The following MACROD2 variants were observed in gnomAD, a reference collection of about 807,000 sequenced individuals.
MACROD2 encodes mono-ADP ribosylhydrolase 2.
Under a neutral mutation model 70.4 loss-of-function variants are expected in MACROD2, and 36 were observed. The ratio of observed to expected loss-of-function variants is 0.51; its 90% CI spans 0.39 to 0.68. The LOEUF is 0.68. Among genes scored for constraint, MACROD2 ranks in the 30% least tolerant of loss-of-function variants. MACROD2 has a pLI of 0.00. For synonymous variants in MACROD2, 172 were observed against 178.8 expected (o/e 0.96, Z 0.30); for missense variants, 496 against 538.4 (o/e 0.92, Z 0.78).
intron 4 of MACROD2, among the ~76,000 whole-genome samples, chr20:14,538,568 G>C (rs1475854445): frequency 1.3e-5 from 2 of 152,108 alleles, no homozygotes; most frequent in African/African-American, 4.8e-5. Flanking sequence ...CTGTCTTCTA[G>C]TCTTCACCTC....
chr20:14,938,947 T>G (rs2122701107), intron 5 of MACROD2, among the ~76,000 whole-genome samples: 1 of 146,856 alleles, frequency 6.8e-6, no homozygotes, highest in Admixed American at 6.8e-5. Context: ...CAGATTTTTT[T>G]TTTTTTTTTT....
intron 3 of MACROD2, among the ~76,000 whole-genome samples, chr20:14,365,360 C>T (rs1212160002): frequency 6.6e-6 from 1 of 150,814 alleles, no homozygotes; most frequent in East Asian, 1.9e-4. Context: ...TAATAATGTT[C>T]ATAAATAACA....
intron 12 of MACROD2, among the ~76,000 whole-genome samples, chr20:15,965,359 A>G (rs188887623): frequency 6.6e-6 from 1 of 152,306 alleles, no homozygotes; most frequent in African/African-American, 2.4e-5. Context: ...CTTTTCGCCC[A>G]TCTTATGTGA....
intron 4 of MACROD2, among the ~76,000 whole-genome samples, chr20:14,678,650 A>T (rs1056523420): frequency 6.6e-6 from 1 of 152,086 alleles, no homozygotes; most frequent in Non-Finnish European, 1.5e-5. Context: ...TCTCCTCCCC[A>T]TCTGCCTCCC....
rs115942148 is a variant in MACROD2, at chr20:15,953,103, T to A, written c.908-14450T>A. On this transcript the variant is annotated intron_variant, in intron 12 of 17. Transcript: ENST00000684519. ...AGAACATGATGTTAAGGGAAATGAGTCAGGAAAAGAAAGTTAAACACCGCA... is the reference window on the plus strand; with the variant it reads ...AGAACATGATGTTAAGGGAAATGAGACAGGAAAAGAAAGTTAAACACCGCA... 4.5e-3 allele frequency among the ~76,000 whole-genome samples: 685 copies of A among 151,896 alleles called. 5 individuals are homozygous for A. The highest frequency in any genetic ancestry group is 0.016 in the African/African-American group (653 of 41,416).
intron 5 of MACROD2, among the ~76,000 whole-genome samples, chr20:14,968,543 G>T (rs942334818): frequency 6.6e-6 from 1 of 152,126 alleles, no homozygotes; most frequent in East Asian, 1.9e-4. Context: ...ATATTTTATT[G>T]TGCAACCTGG....
chr20:16,033,425 A>C (rs2067181646), intron 15 of MACROD2, among the ~76,000 whole-genome samples: 1 of 152,140 alleles, frequency 6.6e-6, no homozygotes, highest in African/African-American at 2.4e-5. Flanking sequence ...GCAGCACAAT[A>C]TGCTGGCTGT....
At chr20:14,830,283 T>C (rs1433537318) in intron 5 of MACROD2, among the ~76,000 whole-genome samples, 1 of 152,128 alleles carries the variant, frequency 6.6e-6, no homozygotes, top group African/African-American at 2.4e-5. Flanking sequence ...TGTGTTATGT[T>C]GTGTGCTTTA....
At chr20:15,856,664 T>G in intron 8 of MACROD2, among the ~76,000 whole-genome samples, 1 of 152,184 alleles carries the variant, frequency 6.6e-6, no homozygotes, top group East Asian at 1.9e-4. Flanking sequence ...CAAAGATGAG[T>G]GCCACCTGAT....
rs180973721 is a variant in MACROD2 at position 14,738,985 on chromosome 20, C to A, written c.418+54026C>A. Among the ~76,000 whole-genome samples the A allele has an allele frequency of 1.7e-4, 26 of 151,988 alleles. 1 individual carries two copies. Among genetic ancestry groups the A allele is most frequent in the African/African-American group, 6.0e-4 (25 of 41,512 alleles). On this transcript the variant is annotated intron_variant, in intron 5 of 17. Coordinates refer to ENST00000684519, the MANE Select transcript of MACROD2 (RefSeq NM_001351661.2). Reference sequence around the variant, plus strand: ...ACACAAGTGGAATTAATAGGAGATACCATTTTCTTACTTAAAATATTTGTA... The same window carrying A: ...ACACAAGTGGAATTAATAGGAGATAACATTTTCTTACTTAAAATATTTGTA...
At chr20:14,376,450 A>G (rs2083371305) in intron 3 of MACROD2, among the ~76,000 whole-genome samples, 2 of 152,280 alleles carry the variant, frequency 1.3e-5, no homozygotes, top group South Asian at 2.1e-4. Flanking sequence ...TGTAGTGAAA[A>G]GAATGCACCC....
chr20:14,355,826 G>C (rs1411201297), intron 3 of MACROD2, among the ~76,000 whole-genome samples: 1 of 152,110 alleles, frequency 6.6e-6, no homozygotes, highest in Non-Finnish European at 1.5e-5. Flanking sequence ...GTAGAGATTG[G>C]CTATTTTTCA....
chr20:15,135,444 A>C (rs2076139371), intron 5 of MACROD2, among the ~76,000 whole-genome samples: 1 of 149,572 alleles, frequency 6.7e-6, no homozygotes, highest in South Asian at 2.1e-4. Context: ...CAGCATATAA[A>C]CAGAACCAAA....
In MACROD2 at chr20:15,971,255, G is replaced by C. The variant is rs760126425; in HGVS notation, c.985+3625G>C. Reference sequence around the variant, plus strand: ...TGAGATTCTCTGATATGGTTTGGCTGTGTCCCCACCCAAATCTCATCTTGA... The same window carrying C: ...TGAGATTCTCTGATATGGTTTGGCTCTGTCCCCACCCAAATCTCATCTTGA... On this transcript the variant is annotated intron_variant, in intron 13 of 17. Transcript: ENST00000684519. 5.9e-5 allele frequency among the ~76,000 whole-genome samples: 9 copies of C among 152,256 alleles called. No individual in the cohort carries two copies. In the East Asian group the frequency reaches 1.5e-3, roughly 26 times the overall value.
At chr20:14,058,252 T>G (rs2053652595) in intron 2 of MACROD2, among the ~76,000 whole-genome samples, 1 of 152,114 alleles carries the variant, frequency 6.6e-6, no homozygotes, top group Admixed American at 6.6e-5. Flanking sequence ...AAATACTGCT[T>G]TAGTGTGAGG....
intron 8 of MACROD2, among the ~76,000 whole-genome samples, chr20:15,762,288 A>G (rs1265360532): frequency 6.6e-6 from 1 of 152,180 alleles, no homozygotes; most frequent in Non-Finnish European, 1.5e-5. Flanking sequence ...GTGGAAAGTA[A>G]GGACAAGGCA....
At chr20:14,191,842 C>T (rs1225474265) in intron 3 of MACROD2, among the ~76,000 whole-genome samples, 1 of 152,196 alleles carries the variant, frequency 6.6e-6, no homozygotes, top group East Asian at 1.9e-4. Context: ...CAAGCCAGAT[C>T]ATATAGGGTC....
At chr20:14,809,715 G>T (rs1009269837) in intron 5 of MACROD2, among the ~76,000 whole-genome samples, 1 of 151,680 alleles carries the variant, frequency 6.6e-6, no homozygotes, top group African/African-American at 2.4e-5. Context: ...AAAGAGAGAA[G>T]AATCAAATAG....
intron 5 of MACROD2, among the ~76,000 whole-genome samples, chr20:14,769,891 A>G (rs2072142275): frequency 6.6e-6 from 1 of 152,080 alleles, no homozygotes; most frequent in Non-Finnish European, 1.5e-5. Context: ...TGACAGAGAA[A>G]ACACAGAAAC....
Sources: gnomAD v4.1 joint callset for allele counts (sites outside exome capture counted in the v4.1 genomes callset) on GRCh38, gnomAD v4.1.1 for gene constraint, MANE v1.5 for transcripts, NCBI Gene and HGNC (gene_info 2026-07-23, HGNC 2026-07-21) for gene names.